Variants in CAPSL observed in about 807,000 individuals in gnomAD.
CAPSL encodes calcyphosine like.
In CAPSL, 17 loss-of-function variants were observed where a neutral mutation model predicts 21.3. The observed-to-expected ratio is 0.80, with a 90% confidence interval of 0.55 to 1.20. The LOEUF is 1.20. Among genes scored for constraint, CAPSL ranks in the 50% most tolerant of loss-of-function variants. The pLI is 0.00. For synonymous variants in CAPSL, 102 were observed against 89.3 expected (o/e 1.14, Z -0.80); for missense variants, 289 against 259.3 (o/e 1.11, Z -0.79).
At chr5:35,905,665 C>G (rs1760657656) in intron 4 of CAPSL, among the ~76,000 whole-genome samples, 2 of 152,234 alleles carry the variant, frequency 1.3e-5, no homozygotes, top group South Asian at 2.1e-4. Flanking sequence ...CTTTATTCCT[C>G]TCCTCCTTTG....
At chr5:35,915,295 G>A (rs924509723) in intron 2 of CAPSL, among the ~76,000 whole-genome samples, 4 of 152,168 alleles carry the variant, frequency 2.6e-5, no homozygotes, top group African/African-American at 9.7e-5. Flanking sequence ...GGAGGAACTG[G>A]TACCATTCCT....
intron 1 of CAPSL, among the ~76,000 whole-genome samples, chr5:35,935,784 C>T (rs1405345586): frequency 6.6e-6 from 1 of 152,148 alleles, no homozygotes; most frequent in East Asian, 1.9e-4. Context: ...GATCTACTTC[C>T]TTTCTTATCC....
intron 2 of CAPSL, among the ~76,000 whole-genome samples, chr5:35,919,938 C>T (rs993966857): frequency 6.6e-6 from 1 of 152,064 alleles, no homozygotes; most frequent in Non-Finnish European, 1.5e-5. Flanking sequence ...GAGGATTCCT[C>T]AAGGGTTTGC....
chr5:35,925,785 A>G (rs1483087596), intron 1 of CAPSL, among the ~76,000 whole-genome samples: 2 of 152,208 alleles, frequency 1.3e-5, no homozygotes, highest in East Asian at 1.9e-4. Context: ...AGGAGACCAC[A>G]AAGTCTTCTG....
Position 35,904,389 on chromosome 5 carries a change from T to G in CAPSL, c.*156A>C, listed in dbSNP as rs1416114628. On this transcript the variant is annotated 3_prime_UTR_variant, in exon 5 of 5. Coordinates refer to ENST00000651391, the MANE Select transcript of CAPSL (RefSeq NM_001042625.2). ...CAGTTGGCTACTCAATGTCTTTTAT[T>G]TCTGCCTGTTTTTTGGCCCCAGAAA... 1 of 627,342 alleles carries G rather than the reference T, an allele frequency of 1.6e-6. No individual in the cohort carries two copies. Among genetic ancestry groups the G allele is most frequent in the East Asian group, 2.7e-5 (1 of 36,470 alleles). The allele number at this position is 627,342 out of a possible 1,614,324, so 38.9% of individuals were successfully genotyped here.
Position 35,932,229 on chromosome 5 carries a change from C to T in CAPSL, c.-1+6312G>A, listed in dbSNP as rs557031543. Among the ~76,000 whole-genome samples, 6 of 152,178 alleles carry T rather than the reference C, an allele frequency of 3.9e-5. No homozygotes were observed. In the South Asian group the frequency reaches 6.2e-4, roughly 16 times the overall value. On this transcript the variant is annotated intron_variant, in intron 1 of 4. Coordinates refer to ENST00000651391, the MANE Select transcript of CAPSL (RefSeq NM_001042625.2). ...CAGTTATAAATTGTGTCCAGCGACT[C>T]ATAATAGAAACAGGTCATATCTCTG...
At chr5:35,936,408 C>CGG (rs1738948036) in intron 1 of CAPSL, among the ~76,000 whole-genome samples, 2 of 152,176 alleles carry the variant, frequency 1.3e-5, no homozygotes, top group Non-Finnish European at 2.9e-5. Flanking sequence ...CTCTAGCTAT[C>CGG]ACCCCTCAAA....
rs374677567 is a variant in CAPSL at position 35,931,287 on chromosome 5, T to A, written c.-1+7254A>T. Among the ~76,000 whole-genome samples the A allele has an allele frequency of 2.6e-3, 399 of 152,276 alleles. 2 individuals carry two copies. The highest frequency in any genetic ancestry group is 9.4e-3 in the African/African-American group (391 of 41,562). ...GAGACTCAACTACCCCTGAGACTCA[T>A]GAGGAGAGAGAAAGTCACTCTATTA... On this transcript the variant is annotated intron_variant, in intron 1 of 4. Coordinates refer to ENST00000651391, the MANE Select transcript of CAPSL (RefSeq NM_001042625.2).
chr5:35,911,308 T>C (rs566622156), intron 2 of CAPSL, among the ~76,000 whole-genome samples: 1 of 152,328 alleles, frequency 6.6e-6, no homozygotes, highest in South Asian at 2.1e-4. Context: ...GGGAAGCAAC[T>C]TTACAATGGA....
intron 4 of CAPSL, among the ~76,000 whole-genome samples, chr5:35,909,407 G>T (rs548107408): frequency 2.6e-5 from 4 of 152,294 alleles, no homozygotes; most frequent in African/African-American, 9.6e-5. Context: ...ATGAGGATGA[G>T]TGTGAAGGCA....
intron 1 of CAPSL, among the ~76,000 whole-genome samples, chr5:35,927,088 C>T (rs1421342353): frequency 1.3e-5 from 2 of 152,156 alleles, no homozygotes; most frequent in South Asian, 2.1e-4. Flanking sequence ...AGGAGGCTTC[C>T]CCGCTGGCAG....
At chr5:35,918,977 A>T (rs1246085732) in intron 2 of CAPSL, among the ~76,000 whole-genome samples, 1 of 151,942 alleles carries the variant, frequency 6.6e-6, no homozygotes, top group Non-Finnish European at 1.5e-5. Flanking sequence ...GCTAATGAAG[A>T]TAATTCTAAA....
intron 2 of CAPSL, among the ~76,000 whole-genome samples, chr5:35,915,166 G>A (rs1050159638): frequency 3.9e-5 from 6 of 152,196 alleles, no homozygotes; most frequent in African/African-American, 1.2e-4. Flanking sequence ...CTAGGAAGAA[G>A]TTGAATCTCT....
At chr5:35,910,281 T>G in intron 3 of CAPSL, 85 bp downstream of exon 3, 1 of 1,443,848 alleles carries the variant, frequency 6.9e-7, no homozygotes, top group Non-Finnish European at 9.5e-7. Context: ...TACTAACAAC[T>G]TGTAAAAACA....
chr5:35,935,169 G>C (rs191744279), intron 1 of CAPSL, among the ~76,000 whole-genome samples: 66 of 152,210 alleles, frequency 4.3e-4, no homozygotes, highest in African/African-American at 1.3e-3. Flanking sequence ...TCCATTTCAA[G>C]TGGTGTCATC....
chr5:35,918,374 C>T (rs764497052), intron 2 of CAPSL, among the ~76,000 whole-genome samples: 8 of 152,132 alleles, frequency 5.3e-5, no homozygotes, highest in African/African-American at 1.4e-4. Context: ...AACTAAACAT[C>T]GCATGATCTC....
chr5:35,910,803 G>C (rs971795090), intron 2 of CAPSL, among the ~76,000 whole-genome samples: 6 of 152,172 alleles, frequency 3.9e-5, no homozygotes, highest in Admixed American at 1.3e-4. Context: ...GAAAGGTAAA[G>C]GAAAGAGTTG....
At chr5:35,917,798 A>G (rs1738431692) in intron 2 of CAPSL, among the ~76,000 whole-genome samples, 1 of 152,200 alleles carries the variant, frequency 6.6e-6, no homozygotes, top group African/African-American at 2.4e-5. Context: ...GCACACCAAC[A>G]TGGCACATGT....
intron 1 of CAPSL, among the ~76,000 whole-genome samples, chr5:35,932,457 C>G (rs1738846768): frequency 6.6e-6 from 1 of 152,154 alleles, no homozygotes; most frequent in South Asian, 2.1e-4. Context: ...ATGCTCTTCC[C>G]AGCGAAATCA....
Sources: gnomAD v4.1 joint callset for allele counts (sites outside exome capture counted in the v4.1 genomes callset) on GRCh38, gnomAD v4.1.1 for gene constraint, MANE v1.5 for transcripts, NCBI Gene and HGNC (gene_info 2026-07-23, HGNC 2026-07-21) for gene names.